Variants in ANXA13 observed in about 807,000 individuals in gnomAD.
ANXA13 encodes annexin A13.
A neutral mutation model predicts 46.6 loss-of-function variants in ANXA13; 36 were observed. The observed-to-expected ratio is 0.77, with a 90% confidence interval of 0.59 to 1.02. The LOEUF is 1.02. ANXA13 is among the 50% of genes least tolerant of loss of function. The probability of loss-of-function intolerance (pLI) is 0.00; values close to 1 mark genes in which losing one functional copy is unlikely to be tolerated. For missense variants in ANXA13, 417 were observed against 396.5 expected (o/e 1.05, Z -0.44); for synonymous variants, 163 against 152.9 (o/e 1.07, Z -0.49).
intron 2 of ANXA13, among the ~76,000 whole-genome samples, chr8:123,708,307 G>A (rs1370969626): frequency 6.6e-6 from 1 of 152,202 alleles, no homozygotes; most frequent in East Asian, 1.9e-4. Context: ...TTGCTTTTCC[G>A]AGAAATTTTC....
intron 6 of ANXA13, 68 bp from the exon 7 acceptor site, chr8:123,693,847 A>T: frequency 7.0e-7 from 1 of 1,420,312 alleles, no homozygotes; most frequent in Non-Finnish European, 9.9e-7. Context: ...ACTAACAAAA[A>T]AAACAAAGTC....
chr8:123,704,126 C>T (rs1178311672), intron 2 of ANXA13, among the ~76,000 whole-genome samples: 3 of 152,112 alleles, frequency 2.0e-5, no homozygotes, highest in African/African-American at 7.2e-5. Flanking sequence ...GTGGGAAACC[C>T]GGGACACCAG....
chr8:123,726,511 G>C (rs1464312590), intron 1 of ANXA13, among the ~76,000 whole-genome samples: 1 of 152,176 alleles, frequency 6.6e-6, no homozygotes, highest in Non-Finnish European at 1.5e-5. Flanking sequence ...CCTTTTGGGG[G>C]CTACACCCAA....
At chr8:123,693,989 G>A (rs953112459) in intron 6 of ANXA13, among the ~76,000 whole-genome samples, 4 of 149,558 alleles carry the variant, frequency 2.7e-5, no homozygotes, top group African/African-American at 9.8e-5. Flanking sequence ...ACTTGGTTTT[G>A]CCTTTTTTTT....
intron 1 of ANXA13, among the ~76,000 whole-genome samples, chr8:123,736,527 A>G (rs1814271287): frequency 6.6e-6 from 1 of 152,204 alleles, no homozygotes. Flanking sequence ...GATATTTGCA[A>G]ATATGTGGAT....
Position 123,681,170 on chromosome 8 carries a change from G to C in ANXA13, c.*70C>G, listed in dbSNP as rs4471017. 466,452 of 1,513,704 alleles carry C rather than the reference G, an allele frequency of 0.31. 74,418 individuals carry two copies. Among genetic ancestry groups the C allele is most frequent in the Admixed American group, 0.38 (17,044 of 44,848 alleles). 93.8% of individuals were successfully genotyped at this position (1,513,704 alleles called of 1,614,324 possible). ...GGGTTTTCGTGCGGGAGTCTCATTT[G>C]CAAGTTTGATTTGGAATGTGCTCTT... On this transcript the variant is annotated 3_prime_UTR_variant, in exon 11 of 11. Coordinates refer to ENST00000419625, the MANE Select transcript of ANXA13 (RefSeq NM_004306.4).
rs548570492 is a variant in ANXA13 at position 123,735,124 on chromosome 8, A to C, written c.15+2196T>G. Among the ~76,000 whole-genome samples, 1,181 of 152,126 alleles carry C rather than the reference A, an allele frequency of 7.8e-3. 23 individuals are homozygous for C. Among genetic ancestry groups the C allele is most frequent in the African/African-American group, 0.027 (1,123 of 41,462 alleles). On this transcript the variant is annotated intron_variant, in intron 1 of 10. Coordinates refer to ENST00000419625, the MANE Select transcript of ANXA13 (RefSeq NM_004306.4). ...AACCAAGTAAAACTCAAAAAAAAAA[A>C]AAAAAACAAACCCAGCATTATAGCC...
chr8:123,683,584 CTTTTT>C (rs5894671), intron 10 of ANXA13, among the ~76,000 whole-genome samples: 3 of 100,818 alleles, frequency 3.0e-5, no homozygotes, highest in Non-Finnish European at 2.0e-5. Flanking sequence ...TAGCTGTGAC[CTTTTT>C]TTTTTTTTTT....
At chr8:123,726,778 C>T (rs533019004) in intron 1 of ANXA13, among the ~76,000 whole-genome samples, 9 of 152,088 alleles carry the variant, frequency 5.9e-5, no homozygotes, top group African/African-American at 1.7e-4. Context: ...GCACAATTTG[C>T]GATTGTAAAA....
Position 123,688,863 on chromosome 8 carries a change from T to C in ANXA13, c.718+8A>G. The C allele has an allele frequency of 1.2e-6, 2 of 1,613,414 alleles. No homozygotes were observed. Among genetic ancestry groups the C allele is most frequent in the South Asian group, 1.1e-5 (1 of 91,058 alleles). On this transcript the variant is annotated splice_region_variant and intron_variant, in intron 9 of 10. Coordinates refer to ENST00000419625, the MANE Select transcript of ANXA13 (RefSeq NM_004306.4). Reference sequence around the variant, plus strand: ...CCTAAGACAGGAGCTCTCCTAACTTTACTTTACCGAGAGTTAAATAGGCCT... The same window carrying C: ...CCTAAGACAGGAGCTCTCCTAACTTCACTTTACCGAGAGTTAAATAGGCCT...
At chr8:123,701,580 T>C (rs1813448288) in intron 3 of ANXA13, among the ~76,000 whole-genome samples, 1 of 152,224 alleles carries the variant, frequency 6.6e-6, no homozygotes, top group Non-Finnish European at 1.5e-5. Context: ...AAAAATTACA[T>C]TGACGCACCT....
intron 3 of ANXA13, among the ~76,000 whole-genome samples, chr8:123,699,620 C>T (rs1229264183): frequency 2.0e-5 from 3 of 152,200 alleles, no homozygotes; most frequent in African/African-American, 7.2e-5. Context: ...TGGGCATCAG[C>T]CTACCTAGAG....
chr8:123,694,605 C>T (rs909207856), intron 6 of ANXA13, among the ~76,000 whole-genome samples: 1 of 152,128 alleles, frequency 6.6e-6, no homozygotes, highest in Non-Finnish European at 1.5e-5. Context: ...ATTCTGCCAA[C>T]AATTAATGAG....
intron 10 of ANXA13, among the ~76,000 whole-genome samples, chr8:123,683,015 C>T (rs1813066729): frequency 6.6e-6 from 1 of 152,102 alleles, no homozygotes; most frequent in Admixed American, 6.6e-5. Context: ...TTCAACCTGT[C>T]CCTTTTGAGT....
chr8:123,682,306 T>C (rs922367060), intron 10 of ANXA13, among the ~76,000 whole-genome samples: 4 of 152,206 alleles, frequency 2.6e-5, no homozygotes, highest in Admixed American at 2.6e-4. Flanking sequence ...ATCCAAAGAT[T>C]GCTCTGCCAG....
At chr8:123,708,375 C>A (rs1250453003) in intron 2 of ANXA13, among the ~76,000 whole-genome samples, 1 of 152,122 alleles carries the variant, frequency 6.6e-6, no homozygotes, top group Non-Finnish European at 1.5e-5. Context: ...GGTGGGAAGC[C>A]CCCAGGCCCT....
chr8:123,700,120 T>C (rs1813415332), intron 3 of ANXA13, among the ~76,000 whole-genome samples: 1 of 152,236 alleles, frequency 6.6e-6, no homozygotes, highest in Non-Finnish European at 1.5e-5. Flanking sequence ...GGGGCTGTTA[T>C]ATTATGCCTC....
intron 9 of ANXA13, 71 bp from the exon 10 acceptor site, chr8:123,684,793 A>G (rs1352218134): frequency 2.0e-5 from 23 of 1,129,364 alleles, no homozygotes; most frequent in Middle Eastern, 2.0e-4. Context: ...ACCCCCCTAA[A>G]TGTCACCTGG....
chr8:123,735,940 G>C, intron 1 of ANXA13: 3 of 1,504,474 alleles, frequency 2.0e-6, no homozygotes, highest in Non-Finnish European at 2.7e-6. Context: ...CTGCTCCCTA[G>C]GTTGACTTTC....
Sources: gnomAD v4.1 joint callset for allele counts (sites outside exome capture counted in the v4.1 genomes callset) on GRCh38, gnomAD v4.1.1 for gene constraint, MANE v1.5 for transcripts, NCBI Gene and HGNC (gene_info 2026-07-23, HGNC 2026-07-21) for gene names.